The following SLC68A1 variants were observed in gnomAD, a reference collection of about 807,000 sequenced individuals.
SLC68A1 encodes solute carrier family 68 member 1, also known as major facilitator superfamily domain containing 13A.
At chr10:102,471,323 C>T in the SLC68A1 span, 2 of 1,613,846 alleles carry the variant, frequency 1.2e-6, no homozygotes, top group African/African-American at 2.7e-5. Context: ...GACAGCATCA[C>T]CTTGGGCCGG....
At chr10:102,468,890 G>A in the SLC68A1 span, 2 of 650,382 alleles carry the variant, frequency 3.1e-6, no homozygotes, top group South Asian at 1.9e-5. Context: ...AAATGATTCA[G>A]AGGTCTGGGG....
At chr10:102,471,416 G>T in the SLC68A1 span, 1 of 1,604,488 alleles carries the variant, frequency 6.2e-7, no homozygotes, top group South Asian at 1.1e-5. Context: ...GCAGCTCCCG[G>T]CCCCTCTACA....
At chr10:102,470,138 G>A in the SLC68A1 span, 2 of 1,482,122 alleles carry the variant, frequency 1.3e-6, no homozygotes, top group Non-Finnish European at 1.9e-6. Context: ...CCAGGAGGGA[G>A]GACCCCTGCC....
chr10:102,476,050 T>TC, the SLC68A1 span: 2 of 1,337,932 alleles, frequency 1.5e-6, 1 homozygote, highest in Non-Finnish European at 1.9e-6. Flanking sequence ...CAGTTTTTTT[T>TC]GGTTTTTTTT....
the SLC68A1 span, chr10:102,468,746 C>A: frequency 3.1e-6 from 1 of 325,962 alleles, no homozygotes; most frequent in Non-Finnish European, 5.7e-6. Flanking sequence ...GCCGTCTCTT[C>A]CCACAGGCTC....
At chr10:102,476,870 A>C in the SLC68A1 span, 5 of 985,368 alleles carry the variant, frequency 5.1e-6, no homozygotes, top group Non-Finnish European at 6.0e-6. Context: ...GCTGACTGTA[A>C]GTCCCACCTC....
At chr10:102,471,353 G>T in the SLC68A1 span, 3 of 1,613,720 alleles carry the variant, frequency 1.9e-6, no homozygotes, top group Non-Finnish European at 8.5e-7. Context: ...CAGCTGGCAC[G>T]CCATCGGAAC....
chr10:102,465,151 CAG>C, the SLC68A1 span, among the ~76,000 whole-genome samples: 1 of 151,032 alleles, frequency 6.6e-6, no homozygotes, highest in Non-Finnish European at 1.5e-5. Flanking sequence ...CCCAGCTACT[CAG>C]GAGGCTGAGG....
chr10:102,471,252 C>T, the SLC68A1 span: 1 of 1,610,156 alleles, frequency 6.2e-7, no homozygotes. Flanking sequence ...AGGCAGTTCT[C>T]CACTCCCTTC....
At chr10:102,471,199 G>A in the SLC68A1 span, 2 of 1,600,710 alleles carry the variant, frequency 1.2e-6, no homozygotes, top group Admixed American at 3.4e-5. Flanking sequence ...CGGCTGATGG[G>A]GGCTGCCCTG....
At chr10:102,474,067 C>G in the SLC68A1 span, 2 of 1,494,908 alleles carry the variant, frequency 1.3e-6, no homozygotes, top group African/African-American at 1.4e-5. Flanking sequence ...CACAGCTTAC[C>G]TGGCACAGTG....
At chr10:102,473,207 G>A in the SLC68A1 span, among the ~76,000 whole-genome samples, 6 of 152,094 alleles carry the variant, frequency 3.9e-5, no homozygotes, top group African/African-American at 1.4e-4. Flanking sequence ...TGAGGGGGGC[G>A]GAGGCTGTGC....
chr10:102,472,728 G>T, the SLC68A1 span: 1 of 753,904 alleles, frequency 1.3e-6, no homozygotes, highest in African/African-American at 1.7e-5. Context: ...GGGGAAAAAG[G>T]CCTGCTCTCG....
the SLC68A1 span, chr10:102,461,474 G>C: frequency 6.6e-6 from 1 of 152,424 alleles, no homozygotes. Context: ...CAGCGGCCGG[G>C]GCTCGCGGGC....
chr10:102,463,928 A>T, the SLC68A1 span, among the ~76,000 whole-genome samples: 1 of 152,168 alleles, frequency 6.6e-6, no homozygotes, highest in African/African-American at 2.4e-5. Context: ...AATTTGATGG[A>T]TGGCAGACAA....
chr10:102,476,626 C>A, the SLC68A1 span: 1 of 986,098 alleles, frequency 1.0e-6, no homozygotes, highest in Non-Finnish European at 1.2e-6. Context: ...TCTCTGCTTA[C>A]CTGTCTGGCT....
At chr10:102,473,105 T>C in the SLC68A1 span, 1 of 670,250 alleles carries the variant, frequency 1.5e-6, no homozygotes, top group East Asian at 2.7e-5. Flanking sequence ...GGATTACAGG[T>C]GTGAGCCACT....
At chr10:102,472,256 T>G in the SLC68A1 span, 11 of 292,996 alleles carry the variant, frequency 3.8e-5, no homozygotes, top group African/African-American at 2.3e-4. Context: ...TGAAATTTGT[T>G]TCACTAATGT....
the SLC68A1 span, chr10:102,473,071 C>A: frequency 2.5e-6 from 2 of 793,666 alleles, no homozygotes; most frequent in South Asian, 1.5e-5. Flanking sequence ...AGTGATCCAC[C>A]TGCCTCTGCC....
Sources: allele counts gnomAD v4.1 joint callset (sites outside exome capture counted in the v4.1 genomes callset), GRCh38; gene constraint gnomAD v4.1.1; transcripts MANE v1.5; gene names NCBI Gene and HGNC (gene_info 2026-07-23, HGNC 2026-07-21).